The following WDHD1 variants were observed in gnomAD, a reference collection of about 807,000 sequenced individuals.
WDHD1 encodes WD repeat and HMG-box DNA binding protein 1, also known as WD repeat and HMG-box DNA-binding protein 1.
A neutral mutation model predicts 135.4 loss-of-function variants in WDHD1; 111 were observed. That is an observed-to-expected ratio of 0.82 (90% CI 0.70 to 0.96). The LOEUF (loss-of-function observed/expected upper bound fraction) is 0.96. Among genes scored for constraint, WDHD1 ranks in the 40% least tolerant of loss-of-function variants. The pLI, the probability that WDHD1 is intolerant of heterozygous loss-of-function variation, is 0.00. For synonymous variants in WDHD1, 434 were observed against 439.0 expected (o/e 0.99, Z 0.14); for missense variants, 1,351 against 1,336.3 (o/e 1.01, Z -0.17).
chr14:54,992,904 T>C (rs2041814579), intron 11 of WDHD1, among the ~76,000 whole-genome samples: 1 of 152,036 alleles, frequency 6.6e-6, no homozygotes, highest in African/African-American at 2.4e-5. Flanking sequence ...CAGAGCAAGA[T>C]GCTATCTCTA....
At chr14:54,981,513 A>T (rs2041618441) in intron 16 of WDHD1, 27 bp downstream of exon 16, 2 of 1,598,928 alleles carry the variant, frequency 1.3e-6, no homozygotes. Context: ...AAAAAGAGTC[A>T]ACTTTAGACT....
chr14:55,001,255 T>G (rs2041976236), intron 8 of WDHD1, among the ~76,000 whole-genome samples: 1 of 152,174 alleles, frequency 6.6e-6, no homozygotes, highest in African/African-American at 2.4e-5. Context: ...AAAATTATAC[T>G]GGCACCATTT....
chr14:54,983,030 G>A (rs2041642969), intron 15 of WDHD1, among the ~76,000 whole-genome samples: 1 of 152,032 alleles, frequency 6.6e-6, no homozygotes, highest in African/African-American at 2.4e-5. Context: ...CAGGCGTGGT[G>A]GTATGTGCCT....
intron 2 of WDHD1, among the ~76,000 whole-genome samples, chr14:55,025,334 T>C (rs1479194982): frequency 2.0e-5 from 3 of 150,900 alleles, no homozygotes; most frequent in East Asian, 2.0e-4. Context: ...GATGAATAAA[T>C]ACTAAGGGAA....
chr14:55,013,634 G>GAGACACCATGCCC, intron 2 of WDHD1, 38 bp from the exon 3 acceptor site: 5 of 1,504,194 alleles, frequency 3.3e-6, no homozygotes, highest in Middle Eastern at 1.7e-4. Flanking sequence ...CATCGGGCAT[G>GAGACACCATGCCC]GTGTCTCATG....
chr14:55,007,140 A>T, intron 7 of WDHD1, 140 bp downstream of exon 7: 1 of 611,620 alleles, frequency 1.6e-6, no homozygotes, highest in South Asian at 2.0e-5. Flanking sequence ...AGGCAGGAGA[A>T]TTGCTAGAAC....
At chr14:55,010,601 C>T (rs1165830377) in intron 3 of WDHD1, 141 bp from the exon 4 acceptor site, 2 of 769,948 alleles carry the variant, frequency 2.6e-6, no homozygotes, top group East Asian at 3.2e-5. Flanking sequence ...ACTAAATGTA[C>T]AACTTTGCTG....
rs758075723 is a variant in WDHD1, at chr14:54,966,595, C to G, written c.2190G>C (p.Trp730Cys). The G allele has an allele frequency of 1.9e-6, 3 of 1,604,628 alleles. No individual in the cohort carries two copies. The South Asian group carries it at 3.4e-5, about 18-fold the overall frequency. The stretch of plus-strand genomic sequence containing the variant: ...GGTGGTTGTGAAATATAACTGAACG[C>G]CAAAATTGCTCCTATAAAAGCAAAT... ...TEKGQMEEQF[W>C]RSVIFHNHLD... The change falls in exon 18 of 26, where the codon TGG becomes TGC. Residue 730 changes from tryptophan (W) to cysteine (C), a missense_variant. Coordinates refer to ENST00000360586, the MANE Select transcript of WDHD1 (RefSeq NM_007086.4).
chr14:54,973,456 A>G (rs1448824390), intron 16 of WDHD1, among the ~76,000 whole-genome samples: 3 of 152,238 alleles, frequency 2.0e-5, no homozygotes, highest in Non-Finnish European at 4.4e-5. Flanking sequence ...AAATGTTTTT[A>G]GGGTTCTAAT....
At chr14:54,951,695 A>C (rs1447395477) in intron 24 of WDHD1, among the ~76,000 whole-genome samples, 7 of 152,130 alleles carry the variant, frequency 4.6e-5, no homozygotes, top group Non-Finnish European at 7.3e-5. Flanking sequence ...GACACACAAC[A>C]AAAAAAGAGA....
chr14:54,976,569 T>C (rs969483445), intron 16 of WDHD1, among the ~76,000 whole-genome samples: 1 of 152,198 alleles, frequency 6.6e-6, no homozygotes, highest in Admixed American at 6.5e-5. Context: ...AAAAAGTGAT[T>C]GCAGAATTTT....
At chr14:54,969,484 T>C (rs1038877068) in intron 16 of WDHD1, among the ~76,000 whole-genome samples, 1 of 152,110 alleles carries the variant, frequency 6.6e-6, no homozygotes, top group Non-Finnish European at 1.5e-5. Context: ...GATAAATTCC[T>C]GGAAACATAA....
rs140911735 is a variant in WDHD1, at chr14:55,002,941, T to A, written c.601-756A>T. Among the ~76,000 whole-genome samples, 180 of 152,228 alleles carry A rather than the reference T, an allele frequency of 1.2e-3. 1 individual carries two copies. The East Asian group carries it at 0.032, about 27-fold the overall frequency. On this transcript the variant is annotated intron_variant, in intron 7 of 25. Transcript: ENST00000360586. ...TAGGTCCTTCTGATATAAAAATTCC[T>A]CCCATTTGTTTGAGGAAAATAAAGA... is the stretch of plus-strand genomic sequence containing the variant.
At position 55,007,384 on chromosome 14, in the gene WDHD1, T is replaced by C; in HGVS notation, c.505-9A>G. On this transcript the variant is annotated splice_polypyrimidine_tract_variant and intron_variant, in intron 6 of 25. Transcript: ENST00000360586. ...CAACTAATAGCACATGTCTAATTGG[T>C]AAAAAAAGAAAATTTCTTTCCTTTA... The C allele has an allele frequency of 6.4e-7, 1 of 1,561,848 alleles. No individual in the cohort carries two copies. Among genetic ancestry groups the C allele is most frequent in the Non-Finnish European group, 8.6e-7 (1 of 1,156,454 alleles).
intron 3 of WDHD1, among the ~76,000 whole-genome samples, chr14:55,010,707 G>C (rs1175095002): frequency 6.6e-6 from 1 of 152,072 alleles, no homozygotes; most frequent in Non-Finnish European, 1.5e-5. Flanking sequence ...TTTTACTTCT[G>C]GTAAGAAAAA....
rs1165570711 is a variant in WDHD1, at chr14:55,008,243, C to T, written c.504+73G>A. Reference sequence around the variant, plus strand: ...CAAAGAAAAGCAATTATTAATTTGGCCCAGTAATACGACATATAACAATTT... The same window carrying T: ...CAAAGAAAAGCAATTATTAATTTGGTCCAGTAATACGACATATAACAATTT... On this transcript the variant is annotated intron_variant, in intron 6 of 25. Transcript: ENST00000360586. 3.6e-6 allele frequency: 5 copies of T among 1,398,142 alleles called. No individual in the cohort carries two copies. In the African/African-American group the frequency reaches 5.7e-5, roughly 16 times the overall value. The allele number at this position is 1,398,142 out of a possible 1,614,324, so 86.6% of individuals were successfully genotyped here. A position where few individuals can be genotyped will look rare whatever the true frequency, so the allele number is the denominator to read the frequency against.
At position 54,944,299 on chromosome 14, in the gene WDHD1, C is replaced by T. The variant is rs1169929317; in HGVS notation, c.3189+33G>A. ...AGAATTTTTTAAATCTGGGAATTCA[C>T]TAAGATCTCAATCTCGGCACAATTA... On this transcript the variant is annotated intron_variant, in intron 25 of 25. Coordinates refer to ENST00000360586, the MANE Select transcript of WDHD1 (RefSeq NM_007086.4). The T allele has an allele frequency of 1.3e-6, 2 of 1,598,704 alleles. 1 individual carries two copies.
chr14:54,989,277 C>G (rs1008907578), intron 12 of WDHD1, 65 bp from the exon 13 acceptor site: 1 of 1,169,530 alleles, frequency 8.6e-7, no homozygotes, highest in African/African-American at 1.6e-5. Context: ...CAGTAAGCCA[C>G]AGTAGTACAA....
At chr14:54,972,581 A>G (rs2041457029) in intron 16 of WDHD1, among the ~76,000 whole-genome samples, 3 of 128,260 alleles carry the variant, frequency 2.3e-5, no homozygotes, top group African/African-American at 1.3e-4. Context: ...AAAAAAAAAA[A>G]AAAAAAAAAT....
Sources: allele counts gnomAD v4.1 joint callset (sites outside exome capture counted in the v4.1 genomes callset), GRCh38; gene constraint gnomAD v4.1.1; transcripts MANE v1.5; gene names NCBI Gene and HGNC (gene_info 2026-07-23, HGNC 2026-07-21).